The following KIF5B variants were observed in gnomAD, a reference collection of about 807,000 sequenced individuals.
The protein encoded by KIF5B is kinesin-1 heavy chain.
KIF5B carries 49 observed loss-of-function variants against 132.8 expected under a neutral mutation model. That is an observed-to-expected ratio of 0.37 (90% CI 0.29 to 0.47). KIF5B has a LOEUF of 0.47. KIF5B is among the 20% of genes least tolerant of loss of function. KIF5B has a pLI of 1.00. For synonymous variants in KIF5B, 355 were observed against 369.4 expected, an observed-to-expected ratio of 0.96 and a Z score of 0.45; for missense variants, 780 against 1,144.0, an observed-to-expected ratio of 0.68 and a Z score of 4.59.
intron 13 of KIF5B, among the ~76,000 whole-genome samples, 159 bp downstream of exon 13, chr10:32,032,547 G>A (rs970885935): frequency 7.9e-5 from 12 of 152,164 alleles, no homozygotes; most frequent in Non-Finnish European, 4.4e-5. Flanking sequence ...GGGTAGATAC[G>A]ATGAATAAGT....
chr10:32,053,859 T>C (rs74233127), intron 1 of KIF5B, among the ~76,000 whole-genome samples: 2 of 152,338 alleles, frequency 1.3e-5, no homozygotes, highest in East Asian at 3.9e-4. Context: ...ATTCCTAATA[T>C]TACCATTTAT....
intron 1 of KIF5B, among the ~76,000 whole-genome samples, chr10:32,049,356 A>G (rs1445636281): frequency 1.3e-5 from 2 of 152,188 alleles, no homozygotes; most frequent in Non-Finnish European, 2.9e-5. Flanking sequence ...GGAAAGCAGA[A>G]TATCACGGAA....
chr10:32,052,440 A>G (rs1841705202), intron 1 of KIF5B, among the ~76,000 whole-genome samples: 1 of 152,190 alleles, frequency 6.6e-6, no homozygotes, highest in Non-Finnish European at 1.5e-5. Flanking sequence ...ATTCTCTTCT[A>G]ATTTCTCGGA....
rs556458521 is a variant in KIF5B, at chr10:32,030,972, T to C, written c.1581+101A>G. On this transcript the variant is annotated intron_variant, in intron 14 of 25. Transcript: ENST00000302418. ...CCCGAGTCCTTGAAAATTGATGTTA[T>C]CGATATTTGACTTACATAGAAAAGT... 3 of 783,404 alleles carry C rather than the reference T, an allele frequency of 3.8e-6. No individual in the cohort carries two copies. The highest frequency in any genetic ancestry group is 1.7e-5 in the African/African-American group (1 of 57,168). 48.5% of individuals were successfully genotyped at this position (783,404 alleles called of 1,614,324 possible). A position where few individuals can be genotyped will look rare whatever the true frequency, so the allele number is the denominator to read the frequency against.
Position 32,009,311 on chromosome 10 carries a change from C to CT in KIF5B, c.*2225dup, listed in dbSNP as rs1257123054. 6.6e-6 allele frequency: 1 copy of CT among 152,166 alleles called. No individual in the cohort carries two copies. Among genetic ancestry groups the CT allele is most frequent in the African/African-American group, 2.4e-5 (1 of 41,428 alleles). The allele number at this position is 152,166 out of a possible 1,614,324, so 9.4% of individuals were successfully genotyped here. On this transcript the variant is annotated 3_prime_UTR_variant, in exon 26 of 26. Transcript: ENST00000302418. The stretch of plus-strand genomic sequence containing the variant: ...TCATTGAGTTTCTCTTCTGAACCAT[C>CT]TATCAATGCCATTCAGAGGAACGTT...
intron 24 of KIF5B, among the ~76,000 whole-genome samples, chr10:32,016,486 T>TAAAA (rs1841166824): frequency 6.6e-6 from 1 of 151,798 alleles, no homozygotes; most frequent in Non-Finnish European, 1.5e-5. Context: ...AATAAATAAA[T>TAAAA]AAAACACAAA....
intron 1 of KIF5B, 71 bp from the exon 2 acceptor site, chr10:32,048,622 C>T (rs1841647275): frequency 9.6e-7 from 1 of 1,044,874 alleles, no homozygotes; most frequent in East Asian, 2.4e-5. Context: ...TTACAGATGC[C>T]ATCATATAAT....
intron 1 of KIF5B, 48 bp downstream of exon 1, chr10:32,055,800 G>A (rs550432245): frequency 3.1e-6 from 5 of 1,601,618 alleles, no homozygotes; most frequent in African/African-American, 2.7e-5. Flanking sequence ...TCCCCGCACA[G>A]GCCGGCCCGA....
At chr10:32,036,416 A>C (rs1841459989) in intron 8 of KIF5B, among the ~76,000 whole-genome samples, 1 of 151,930 alleles carries the variant, frequency 6.6e-6, no homozygotes, top group Admixed American at 6.6e-5. Context: ...CTAAATATCT[A>C]TGTTGTGGTG....
In KIF5B at chr10:32,009,885, C is replaced by T. The variant is rs982363180; in HGVS notation, c.*1652G>A. ...TGTTTCTTCTGATCAATCCTAAAAG[C>T]AACACAATCATTTTAGAGGTTGCAG... On this transcript the variant is annotated 3_prime_UTR_variant, in exon 26 of 26. Coordinates refer to ENST00000302418, the MANE Select transcript of KIF5B (RefSeq NM_004521.3). 8 of 151,904 alleles carry T rather than the reference C, an allele frequency of 5.3e-5. No homozygotes were observed. Among genetic ancestry groups the T allele is most frequent in the Non-Finnish European group, 1.2e-4 (8 of 67,972 alleles). 9.4% of individuals were successfully genotyped at this position (151,904 alleles called of 1,614,324 possible).
At chr10:32,032,596 A>G in intron 13 of KIF5B, 110 bp downstream of exon 13, 1 of 818,174 alleles carries the variant, frequency 1.2e-6, no homozygotes, top group Non-Finnish European at 2.1e-6. Context: ...TTATTCCCAC[A>G]AAGACAGTCA....
At chr10:32,030,300 T>C (rs945547388) in intron 14 of KIF5B, among the ~76,000 whole-genome samples, 20 of 152,166 alleles carry the variant, frequency 1.3e-4, no homozygotes, top group African/African-American at 4.3e-4. Context: ...GTGGATCACC[T>C]GAGGTCAGGA....
At chr10:32,028,332 T>C (rs1178848836) in intron 15 of KIF5B, 96 bp downstream of exon 15, 14 of 955,902 alleles carry the variant, frequency 1.5e-5, no homozygotes, top group Admixed American at 2.3e-5. Flanking sequence ...GAGGATGAGA[T>C]CATGAATACG....
rs1434304439 is a variant in KIF5B at position 32,040,370 on chromosome 10, T to G, written c.288+14A>C. On this transcript the variant is annotated intron_variant, in intron 3 of 25. Transcript: ENST00000302418. ...ATTGCAAACCACATCTAAGTACAGA[T>G]TATAAAACGTTACCTCCATTGTGTG... 11 of 1,512,534 alleles carry G rather than the reference T, an allele frequency of 7.3e-6. No individual in the cohort carries two copies. The highest frequency in any genetic ancestry group is 9.2e-6 in the Non-Finnish European group (10 of 1,087,728). 93.7% of individuals were successfully genotyped at this position (1,512,534 alleles called of 1,614,324 possible).
chr10:32,038,689 T>C (rs566820841), intron 5 of KIF5B, 89 bp downstream of exon 5: 491 of 820,818 alleles, frequency 6.0e-4, no homozygotes, highest in Non-Finnish European at 8.5e-4. Context: ...GACAATTTCA[T>C]ATAGGTTACA....
chr10:32,012,226 A>C (rs965571612), intron 25 of KIF5B, among the ~76,000 whole-genome samples: 2 of 152,330 alleles, frequency 1.3e-5, no homozygotes, highest in South Asian at 4.1e-4. Context: ...TAATCTGAGC[A>C]CTTTGGGAGG....
At chr10:32,029,511 G>C (rs1038785037) in intron 14 of KIF5B, among the ~76,000 whole-genome samples, 5 of 152,010 alleles carry the variant, frequency 3.3e-5, no homozygotes, top group African/African-American at 1.2e-4. Flanking sequence ...TTAAGTTTCT[G>C]AGTATCAGTA....
rs1841067851 is a variant in KIF5B at position 32,010,834 on chromosome 10, C to T, written c.*703G>A. On this transcript the variant is annotated 3_prime_UTR_variant, in exon 26 of 26. Coordinates refer to ENST00000302418, the MANE Select transcript of KIF5B (RefSeq NM_004521.3). ...TAAAATATTTCTATTCAAAATAACT[C>T]GGCAACAGGCATTTCATGAGATAAC... The T allele has an allele frequency of 6.6e-6, 1 of 152,076 alleles. No individual in the cohort carries two copies. Among genetic ancestry groups the T allele is most frequent in the East Asian group, 1.9e-4 (1 of 5,202 alleles). The allele number at this position is 152,076 out of a possible 1,614,324, so 9.4% of individuals were successfully genotyped here. A position where few individuals can be genotyped will look rare whatever the true frequency, so the allele number is the denominator to read the frequency against.
At chr10:32,045,856 G>A (rs1841601087) in intron 2 of KIF5B, among the ~76,000 whole-genome samples, 1 of 152,118 alleles carries the variant, frequency 6.6e-6, no homozygotes. Flanking sequence ...AATCGTATAG[G>A]TAAGAGGCTC....
Sources: gnomAD v4.1 joint callset for allele counts (sites outside exome capture counted in the v4.1 genomes callset) on GRCh38, gnomAD v4.1.1 for gene constraint, MANE v1.5 for transcripts, NCBI Gene and HGNC (gene_info 2026-07-23, HGNC 2026-07-21) for gene names.